Variants in LRRTM4 observed in about 807,000 individuals in gnomAD.
LRRTM4 encodes the protein leucine-rich repeat transmembrane neuronal protein 4.
A neutral mutation model predicts 47.6 loss-of-function variants in LRRTM4; 25 were observed. The observed-to-expected ratio is 0.53, with a 90% CI of 0.38 to 0.73. The LOEUF (loss-of-function observed/expected upper bound fraction) is 0.73. Ranked by LOEUF, LRRTM4 falls within the 30% of genes least tolerant of loss-of-function variation. The probability of loss-of-function intolerance (pLI) is 0.00; values close to 1 mark genes in which losing one functional copy is unlikely to be tolerated. For synonymous variants in LRRTM4, 311 were observed against 269.5 expected, an observed-to-expected ratio of 1.15 and a Z score of -1.51; for missense variants, 638 against 713.4, an observed-to-expected ratio of 0.89 and a Z score of 1.20.
intron 3 of LRRTM4, among the ~76,000 whole-genome samples, chr2:77,048,003 T>A (rs148226603): frequency 2.6e-4 from 39 of 152,198 alleles, no homozygotes; most frequent in African/African-American, 9.4e-4. Context: ...ATAAGGTGAT[T>A]ATTTTTATAT....
intron 3 of LRRTM4, among the ~76,000 whole-genome samples, chr2:77,069,435 GTGTT>G (rs996975611): frequency 3.3e-5 from 5 of 150,694 alleles, no homozygotes; most frequent in South Asian, 4.2e-4. Flanking sequence ...GTGTGTGTGT[GTGTT>G]TGTGTGTGTT....
At chr2:76,796,285 C>CG (rs749472924) in intron 3 of LRRTM4, among the ~76,000 whole-genome samples, 23,329 of 124,974 alleles carry the variant, frequency 0.19, 4,286 homozygotes, top group East Asian at 0.43. Flanking sequence ...AACAAAGCAG[C>CG]CAGGAAGCTC....
chr2:77,156,817 C>T (rs190832136), intron 3 of LRRTM4, among the ~76,000 whole-genome samples: 2 of 151,828 alleles, frequency 1.3e-5, no homozygotes, highest in East Asian at 1.9e-4. Context: ...CGCAATTCTG[C>T]CACCTCCGCC....
At chr2:77,144,414 A>G (rs1558603241) in intron 3 of LRRTM4, among the ~76,000 whole-genome samples, 1 of 151,832 alleles carries the variant, frequency 6.6e-6, no homozygotes, top group African/African-American at 2.4e-5. Flanking sequence ...AGGCTGCTGC[A>G]TGGGGTCAAA....
intron 3 of LRRTM4, among the ~76,000 whole-genome samples, chr2:76,973,876 AT>A (rs1676306748): frequency 6.6e-6 from 1 of 151,842 alleles, no homozygotes. Context: ...ATTATGTGTC[AT>A]GGGATAAATG....
intron 3 of LRRTM4, among the ~76,000 whole-genome samples, chr2:76,797,311 C>G (rs1397219557): frequency 1.3e-5 from 2 of 152,034 alleles, no homozygotes; most frequent in African/African-American, 4.8e-5. Flanking sequence ...GGCCAATATT[C>G]AACATTCTTA....
At chr2:77,238,787 CA>C (rs1052603217) in intron 3 of LRRTM4, among the ~76,000 whole-genome samples, 1 of 151,196 alleles carries the variant, frequency 6.6e-6, no homozygotes, top group African/African-American at 2.4e-5. Context: ...AACCAGAAAA[CA>C]AAAAAATGGC....
At chr2:76,824,631 T>G (rs1671142582) in intron 3 of LRRTM4, among the ~76,000 whole-genome samples, 1 of 148,258 alleles carries the variant, frequency 6.7e-6, no homozygotes, top group African/African-American at 2.6e-5. Context: ...TTTATGTATG[T>G]ATTATTTGTA....
At chr2:76,753,360 C>T (rs1157523317) in intron 3 of LRRTM4, among the ~76,000 whole-genome samples, 1 of 152,154 alleles carries the variant, frequency 6.6e-6, no homozygotes. Context: ...CAGTGTCTTT[C>T]TTGAAAGGTG....
At chr2:77,010,014 A>G (rs750179785) in intron 3 of LRRTM4, among the ~76,000 whole-genome samples, 10 of 151,892 alleles carry the variant, frequency 6.6e-5, no homozygotes, top group Non-Finnish European at 1.5e-4. Context: ...TTTTAAATTC[A>G]TAAGAAATAA....
At chr2:77,036,781 A>T (rs1244003390) in intron 3 of LRRTM4, among the ~76,000 whole-genome samples, 2 of 151,644 alleles carry the variant, frequency 1.3e-5, no homozygotes, top group East Asian at 3.9e-4. Flanking sequence ...TTTCCAGTTT[A>T]CTCAATAGTA....
At chr2:76,994,063 T>A (rs1478808597) in intron 3 of LRRTM4, among the ~76,000 whole-genome samples, 1 of 151,880 alleles carries the variant, frequency 6.6e-6, no homozygotes, top group Non-Finnish European at 1.5e-5. Context: ...CATTGGGTAC[T>A]CGTGGACATA....
intron 3 of LRRTM4, among the ~76,000 whole-genome samples, chr2:76,819,374 A>G (rs115846072): frequency 0.01 from 1,533 of 151,998 alleles, 24 homozygotes; most frequent in African/African-American, 0.033. Flanking sequence ...ATCAGAAGAC[A>G]TAAGTAGGAA....
chr2:76,959,655 C>G (rs1675787507), intron 3 of LRRTM4, among the ~76,000 whole-genome samples: 1 of 151,606 alleles, frequency 6.6e-6, no homozygotes. Context: ...GTGCAAACAA[C>G]ATGCAAAATA....
intron 3 of LRRTM4, among the ~76,000 whole-genome samples, chr2:77,333,694 ACTT>A (rs1671054333): frequency 6.6e-6 from 1 of 152,160 alleles, no homozygotes; most frequent in South Asian, 2.1e-4. Flanking sequence ...CTCAAGGAGA[ACTT>A]CTGCTAGGGC....
chr2:77,452,671 T>G (rs1034849907), intron 3 of LRRTM4, among the ~76,000 whole-genome samples: 8 of 152,194 alleles, frequency 5.3e-5, no homozygotes, highest in African/African-American at 1.7e-4. Flanking sequence ...TTAATACTTT[T>G]TTTTAACAAG....
intron 3 of LRRTM4, among the ~76,000 whole-genome samples, chr2:77,354,210 T>C (rs1220637218): frequency 6.6e-6 from 1 of 152,156 alleles, no homozygotes; most frequent in African/African-American, 2.4e-5. Flanking sequence ...CTTTCCTGTT[T>C]CAGCTAGTCT....
intron 3 of LRRTM4, among the ~76,000 whole-genome samples, chr2:76,971,049 T>C (rs1323845250): frequency 6.6e-6 from 1 of 151,978 alleles, no homozygotes; most frequent in Admixed American, 6.6e-5. Flanking sequence ...GGTAATGTGA[T>C]GGTCCAAACA....
intron 3 of LRRTM4, among the ~76,000 whole-genome samples, chr2:77,503,174 C>G (rs943078837): frequency 2.0e-5 from 3 of 151,088 alleles, no homozygotes; most frequent in Non-Finnish European, 3.0e-5. Context: ...TTGCCTGTAG[C>G]AGAGAAACAA....
Sources: allele counts gnomAD v4.1 joint callset (sites outside exome capture counted in the v4.1 genomes callset), GRCh38; gene constraint gnomAD v4.1.1; transcripts MANE v1.5; gene names NCBI Gene and HGNC (gene_info 2026-07-23, HGNC 2026-07-21).